The following ELOVL7 variants were observed in gnomAD, a reference collection of about 807,000 sequenced individuals.
The protein encoded by ELOVL7 is ELOVL fatty acid elongase 7.
ELOVL7 carries 27 observed loss-of-function variants against 35.7 expected under a neutral mutation model. The observed-to-expected ratio is 0.76, with a 90% CI of 0.56 to 1.04. ELOVL7 has a LOEUF of 1.04. Among genes scored for constraint, ELOVL7 ranks in the 50% least tolerant of loss-of-function variants. The probability of loss-of-function intolerance (pLI) is 0.00; values close to 1 mark genes in which losing one functional copy is unlikely to be tolerated. For missense variants in ELOVL7, 327 were observed against 340.8 expected, an observed-to-expected ratio of 0.96 and a Z score of 0.32; for synonymous variants, 113 against 114.6, an observed-to-expected ratio of 0.99 and a Z score of 0.09.
rs545816931 is a variant in ELOVL7 at position 60,784,245 on chromosome 5, C to T, written c.64+3089G>A. Reference sequence around the variant, plus strand: ...GAAAAGCAAACATGTACCTTAAGTACTTTTTGAAGTATTAAAGTTTCAGAA... The same window carrying T: ...GAAAAGCAAACATGTACCTTAAGTATTTTTTGAAGTATTAAAGTTTCAGAA... On this transcript the variant is annotated intron_variant, in intron 3 of 8. Transcript: ENST00000508821. 1.6e-5 allele frequency: 13 copies of T among 798,708 alleles called. No homozygotes were observed. In the South Asian group the frequency reaches 3.1e-4, roughly 19 times the overall value. The allele number at this position is 798,708 out of a possible 1,614,324, so 49.5% of individuals were successfully genotyped here.
chr5:60,782,403 T>C (rs1368459707), intron 3 of ELOVL7, among the ~76,000 whole-genome samples: 1 of 152,182 alleles, frequency 6.6e-6, no homozygotes, highest in African/African-American at 2.4e-5. Flanking sequence ...TCCAGATATA[T>C]ATCCAAAGGA....
rs1277513269 is a variant in ELOVL7, at chr5:60,792,152, T to C, written c.-34-4721A>G. 6.6e-5 allele frequency among the ~76,000 whole-genome samples: 10 copies of C among 152,252 alleles called. No individual in the cohort carries two copies. In the East Asian group the frequency reaches 1.9e-3, roughly 29 times the overall value. On this transcript the variant is annotated intron_variant, in intron 2 of 8. Transcript: ENST00000508821. ...AGATGTCATCAAAGCCAGCAGGAGA[T>C]GAAGGACTACAGAGTTATGAAAAAG...
chr5:60,821,282 T>G (rs1745869741), intron 1 of ELOVL7, among the ~76,000 whole-genome samples: 2 of 152,352 alleles, frequency 1.3e-5, no homozygotes, highest in East Asian at 1.9e-4. Context: ...AAACTGTCCC[T>G]GCTGGACTTC....
chr5:60,777,561 T>C (rs952996153), intron 3 of ELOVL7, among the ~76,000 whole-genome samples: 1 of 152,068 alleles, frequency 6.6e-6, no homozygotes, highest in African/African-American at 2.4e-5. Context: ...TATATGGATC[T>C]AGAATTAGGA....
chr5:60,756,245 TAAATAC>T (rs544487912), intron 8 of ELOVL7, among the ~76,000 whole-genome samples: 1,998 of 152,198 alleles, frequency 0.013, 20 homozygotes, highest in Non-Finnish European at 0.022. Flanking sequence ...AAAAAAAGCC[TAAATAC>T]AAAATACAAA....
chr5:60,832,592 T>C (rs756806917), intron 1 of ELOVL7, among the ~76,000 whole-genome samples: 6 of 152,170 alleles, frequency 3.9e-5, no homozygotes, highest in Non-Finnish European at 8.8e-5. Flanking sequence ...TCTTGACCTC[T>C]TGACCTTGTG....
intron 2 of ELOVL7, among the ~76,000 whole-genome samples, chr5:60,795,164 G>C (rs1356442993): frequency 6.6e-6 from 1 of 152,196 alleles, no homozygotes; most frequent in Non-Finnish European, 1.5e-5. Flanking sequence ...GGGAAGTCCA[G>C]ATGTGAGTCA....
intron 1 of ELOVL7, among the ~76,000 whole-genome samples, chr5:60,832,678 T>G (rs1331250526): frequency 6.6e-6 from 1 of 152,212 alleles, no homozygotes; most frequent in Non-Finnish European, 1.5e-5. Flanking sequence ...TTTTTTTTTT[T>G]TTGAGAGTGC....
chr5:60,824,494 T>C (rs928446033), intron 1 of ELOVL7, among the ~76,000 whole-genome samples: 2 of 152,230 alleles, frequency 1.3e-5, no homozygotes, highest in Admixed American at 6.5e-5. Context: ...AAGGAGAGTT[T>C]TGTTTCATTT....
intron 8 of ELOVL7, among the ~76,000 whole-genome samples, chr5:60,755,044 TG>T (rs1014070415): frequency 6.6e-6 from 1 of 152,124 alleles, no homozygotes; most frequent in Non-Finnish European, 1.5e-5. Context: ...ACCACAAAAT[TG>T]CACAACCGCA....
intron 2 of ELOVL7, among the ~76,000 whole-genome samples, chr5:60,788,933 T>C (rs1167014682): frequency 6.6e-6 from 1 of 152,136 alleles, no homozygotes; most frequent in Non-Finnish European, 1.5e-5. Flanking sequence ...TCTCCAATGA[T>C]TGGGCACTGA....
intron 2 of ELOVL7, among the ~76,000 whole-genome samples, chr5:60,791,149 T>C (rs1224691085): frequency 6.6e-6 from 1 of 152,086 alleles, no homozygotes; most frequent in African/African-American, 2.4e-5. Context: ...GCTAATTGTT[T>C]TATTTTTTGT....
intron 1 of ELOVL7, among the ~76,000 whole-genome samples, chr5:60,837,307 CG>C (rs1382082623): frequency 1.0e-4 from 1 of 10,006 alleles, no homozygotes; most frequent in Non-Finnish European, 2.6e-4. Flanking sequence ...CGTGGTAGGG[CG>C]GGGGGGTGGG....
intron 2 of ELOVL7, among the ~76,000 whole-genome samples, chr5:60,796,818 TG>T (rs1213815828): frequency 6.6e-6 from 1 of 152,172 alleles, no homozygotes; most frequent in Admixed American, 6.5e-5. Flanking sequence ...TAGAGGCAAA[TG>T]GATCAAGTGG....
At chr5:60,817,941 TCC>T (rs1472227557) in intron 1 of ELOVL7, among the ~76,000 whole-genome samples, 1 of 150,914 alleles carries the variant, frequency 6.6e-6, no homozygotes, top group African/African-American at 2.4e-5. Flanking sequence ...GTGGAAACAA[TCC>T]AAATGTCCAC....
At chr5:60,784,822 C>T (rs980521375) in intron 3 of ELOVL7, among the ~76,000 whole-genome samples, 1 of 152,154 alleles carries the variant, frequency 6.6e-6, no homozygotes, top group African/African-American at 2.4e-5. Flanking sequence ...CAAAACAAAA[C>T]ATTTTAACCC....
chr5:60,794,345 C>G (rs752343095), intron 2 of ELOVL7, among the ~76,000 whole-genome samples: 4 of 152,250 alleles, frequency 2.6e-5, no homozygotes, highest in Non-Finnish European at 5.9e-5. Flanking sequence ...AAGCTGCCTA[C>G]GTTAGCATGA....
intron 1 of ELOVL7, among the ~76,000 whole-genome samples, chr5:60,815,778 T>C (rs1431862411): frequency 6.6e-6 from 1 of 152,100 alleles, no homozygotes; most frequent in Non-Finnish European, 1.5e-5. Context: ...CACCATGGTG[T>C]TTAATATTTA....
intron 1 of ELOVL7, among the ~76,000 whole-genome samples, chr5:60,834,735 A>G (rs1746687648): frequency 6.6e-6 from 1 of 152,224 alleles, no homozygotes; most frequent in African/African-American, 2.4e-5. Context: ...TATAGCGTAA[A>G]CTATTACAGT....
Sources: allele counts gnomAD v4.1 joint callset (sites outside exome capture counted in the v4.1 genomes callset), GRCh38; gene constraint gnomAD v4.1.1; transcripts MANE v1.5; gene names NCBI Gene and HGNC (gene_info 2026-07-23, HGNC 2026-07-21).